Variants in ZNF407 observed in about 807,000 individuals in gnomAD.
The protein encoded by ZNF407 is zinc finger protein 407.
In ZNF407, 17 loss-of-function variants were observed where a neutral mutation model predicts 131.2. The observed-to-expected ratio is 0.13, with a 90% CI of 0.09 to 0.19. The LOEUF (loss-of-function observed/expected upper bound fraction) is 0.19. Among genes scored for constraint, ZNF407 ranks in the 10% least tolerant of loss-of-function variants. The pLI is 1.00. For synonymous variants in ZNF407, 1,156 were observed against 1,062.0 expected (o/e 1.09, Z -1.72); for missense variants, 2,681 against 2,830.6 (o/e 0.95, Z 1.20).
intron 3 of ZNF407, among the ~76,000 whole-genome samples, chr18:74,705,333 G>A (rs2144832191): frequency 6.6e-6 from 1 of 152,256 alleles, no homozygotes; most frequent in Admixed American, 6.5e-5. Context: ...CGATAAATCA[G>A]TGGCAGCATG....
In ZNF407 at chr18:74,945,198, C is replaced by T. The variant is rs1972141748; in HGVS notation, c.5428+24506C>T. ...GTAAGTGTGAATCAAAACTAAAACT[C>T]TCCACCTGCATTTGAGATTTTTAAA... On this transcript the variant is annotated intron_variant, in intron 8 of 8. Coordinates refer to ENST00000299687, the MANE Select transcript of ZNF407 (RefSeq NM_017757.3). 3.3e-5 allele frequency among the ~76,000 whole-genome samples: 5 copies of T among 152,196 alleles called. No individual in the cohort carries two copies. The South Asian group carries it at 8.3e-4, about 25-fold the overall frequency.
intron 3 of ZNF407, among the ~76,000 whole-genome samples, chr18:74,658,152 G>A (rs1985558038): frequency 6.6e-6 from 1 of 151,954 alleles, no homozygotes; most frequent in South Asian, 2.1e-4. Flanking sequence ...TCGCTCTGTA[G>A]CCCAGGCTGG....
chr18:74,642,318 G>C (rs1307765290), intron 3 of ZNF407, among the ~76,000 whole-genome samples: 3 of 152,110 alleles, frequency 2.0e-5, no homozygotes, highest in African/African-American at 7.2e-5. Flanking sequence ...AGCTGCAAGG[G>C]TCAGGTGTCA....
At chr18:74,657,801 G>A (rs768223168) in intron 3 of ZNF407, among the ~76,000 whole-genome samples, 8 of 152,014 alleles carry the variant, frequency 5.3e-5, no homozygotes, top group Non-Finnish European at 1.0e-4. Flanking sequence ...TGCTGCTTGC[G>A]TGACCACGAG....
intron 3 of ZNF407, among the ~76,000 whole-genome samples, chr18:74,713,713 CAG>C (rs569876420): frequency 4.8e-4 from 73 of 152,144 alleles, no homozygotes; most frequent in Non-Finnish European, 9.3e-4. Flanking sequence ...CGTGTACAAA[CAG>C]ACCGTGCTAT....
At chr18:74,822,069 T>G (rs1970348517) in intron 4 of ZNF407, among the ~76,000 whole-genome samples, 1 of 152,238 alleles carries the variant, frequency 6.6e-6, no homozygotes, top group Non-Finnish European at 1.5e-5. Context: ...CATAAATGTC[T>G]TCTTTTGAGA....
At position 74,634,857 on chromosome 18, in the gene ZNF407, G is replaced by A. The variant is rs776123176; in HGVS notation, c.3838G>A (p.Gly1280Arg). The A allele has an allele frequency of 1.6e-4, 265 of 1,613,528 alleles. No homozygotes were observed. Among genetic ancestry groups the A allele is most frequent in the Non-Finnish European group, 2.2e-4 (258 of 1,179,734 alleles). Residue 1280 changes from glycine (G) to arginine (R), a missense_variant, in exon 2 of 9, where the codon GGG becomes AGG. Transcript: ENST00000299687. The stretch of plus-strand genomic sequence containing the variant: ...CAGAGAACAGGGAAATCTGGAGAGC[G>A]GGGGTCAGAACAGAGTTGCACGTGG... ...ITREQGNLESGGQNRVARGHG... is the reference protein window; with the variant it reads ...ITREQGNLESRGQNRVARGHG...
intron 1 of ZNF407, chr18:74,598,147 C>G (rs1373262839): frequency 1.3e-5 from 2 of 151,868 alleles, no homozygotes; most frequent in Non-Finnish European, 2.9e-5. Context: ...AGACTCACGC[C>G]CGGACACACA....
intron 7 of ZNF407, among the ~76,000 whole-genome samples, chr18:74,912,247 T>C (rs2145225534): frequency 6.6e-6 from 1 of 152,260 alleles, no homozygotes; most frequent in South Asian, 2.1e-4. Context: ...TGATATTAAT[T>C]TATTATTGGC....
rs567266163 is a variant in ZNF407, at chr18:74,991,157, AT to A, written c.5428+70466del. On this transcript the variant is annotated intron_variant, in intron 8 of 8. Coordinates refer to ENST00000299687, the MANE Select transcript of ZNF407 (RefSeq NM_017757.3). ...CTGCTTATAACAATTCAAGCAAGTC[AT>A]GAGAAAGTTATAACTTATGAAACTA... 2.6e-5 allele frequency among the ~76,000 whole-genome samples: 4 copies of A among 152,232 alleles called. No individual in the cohort carries two copies. In the South Asian group the frequency reaches 8.3e-4, roughly 32 times the overall value.
intron 8 of ZNF407, among the ~76,000 whole-genome samples, chr18:75,020,897 G>C (rs1410737041): frequency 6.6e-6 from 1 of 152,156 alleles, no homozygotes; most frequent in African/African-American, 2.4e-5. Flanking sequence ...GAAAACAAAT[G>C]TACAATAATG....
intron 6 of ZNF407, among the ~76,000 whole-genome samples, chr18:74,881,864 T>G (rs1317621195): frequency 6.6e-6 from 1 of 152,154 alleles, no homozygotes; most frequent in Non-Finnish European, 1.5e-5. Context: ...AAGAAAGCAG[T>G]TTATTGGACT....
rs77513656 is a variant in ZNF407 at position 74,950,432 on chromosome 18, A to G, written c.5428+29740A>G. Among the ~76,000 whole-genome samples the G allele has an allele frequency of 8.9e-3, 1,359 of 152,270 alleles. 21 individuals are homozygous for G. The highest frequency in any genetic ancestry group is 0.031 in the Middle Eastern group (9 of 294). ...ATTTCTGCTGCTCACATGGAGGTCAATGCCCTCTTGAACAGTAGCATAGAC... is the reference window on the plus strand; with the variant it reads ...ATTTCTGCTGCTCACATGGAGGTCAGTGCCCTCTTGAACAGTAGCATAGAC... On this transcript the variant is annotated intron_variant, in intron 8 of 8. Transcript: ENST00000299687.
At chr18:75,006,911 T>C (rs1409970674) in intron 8 of ZNF407, among the ~76,000 whole-genome samples, 1 of 152,146 alleles carries the variant, frequency 6.6e-6, no homozygotes, top group African/African-American at 2.4e-5. Context: ...TGCTGGTAAA[T>C]TGAACTTTTT....
At position 74,929,609 on chromosome 18, in the gene ZNF407, A is replaced by T. The variant is rs114758324; in HGVS notation, c.5428+8917A>T. 4.6e-3 allele frequency among the ~76,000 whole-genome samples: 700 copies of T among 152,288 alleles called. 7 individuals carry two copies. The highest frequency in any genetic ancestry group is 0.016 in the African/African-American group (649 of 41,570). On this transcript the variant is annotated intron_variant, in intron 8 of 8. Transcript: ENST00000299687. ...AAAATTTGCACACCCTCACACACATATTTTGACCCCCACCTAAACAGCAGT... is the reference window on the plus strand; with the variant it reads ...AAAATTTGCACACCCTCACACACATTTTTTGACCCCCACCTAAACAGCAGT...
chr18:75,028,248 G>A (rs954750216), intron 8 of ZNF407, among the ~76,000 whole-genome samples: 2 of 152,180 alleles, frequency 1.3e-5, no homozygotes, highest in Non-Finnish European at 2.9e-5. Context: ...TTTTCTCATC[G>A]TTTCGGAGGC....
intron 8 of ZNF407, among the ~76,000 whole-genome samples, chr18:74,986,878 A>AG (rs752086905): frequency 3.4e-4 from 52 of 152,192 alleles, no homozygotes; most frequent in Non-Finnish European, 6.8e-4. Flanking sequence ...TCTAAGAAAA[A>AG]GGGGGAGATT....
At chr18:74,676,555 A>C (rs181845765) in intron 3 of ZNF407, among the ~76,000 whole-genome samples, 9 of 150,344 alleles carry the variant, frequency 6.0e-5, no homozygotes, top group Admixed American at 1.3e-4. Context: ...TCCTGCCTCA[A>C]CCTCCCGAGT....
chr18:74,952,347 G>C (rs976275904), intron 8 of ZNF407, among the ~76,000 whole-genome samples: 2 of 152,178 alleles, frequency 1.3e-5, no homozygotes, highest in Non-Finnish European at 2.9e-5. Flanking sequence ...CACAGCCCCT[G>C]GTGCTGCGCT....
Sources: gnomAD v4.1 joint callset for allele counts (sites outside exome capture counted in the v4.1 genomes callset) on GRCh38, gnomAD v4.1.1 for gene constraint, MANE v1.5 for transcripts, NCBI Gene and HGNC (gene_info 2026-07-23, HGNC 2026-07-21) for gene names.